Variants in ZNF83 observed in about 807,000 individuals in gnomAD.
The protein encoded by ZNF83 is zinc finger protein 83.
For synonymous variants in ZNF83, 209 were observed against 213.0 expected (o/e 0.98, Z 0.17); for missense variants, 552 against 629.9 (o/e 0.88, Z 1.32).
chr19:52,630,647 C>T (rs1370628829), intron 2 of ZNF83, among the ~76,000 whole-genome samples: 1 of 152,024 alleles, frequency 6.6e-6, no homozygotes, highest in South Asian at 2.1e-4. Flanking sequence ...CCTCTCGTAT[C>T]CCCCCACCTT....
In ZNF83 at chr19:52,655,426, A is replaced by G; in HGVS notation, c.-74+135T>C. The G allele has an allele frequency of 4.7e-6, 4 of 842,240 alleles. No individual in the cohort carries two copies. In the South Asian group the frequency reaches 4.8e-5, roughly 10 times the overall value. 52.2% of individuals were successfully genotyped at this position (842,240 alleles called of 1,614,324 possible). ...GAAGCTGTCTATGACAGACAGGAGG[A>G]TCATCACTGCAGAAAACAATGACAT... On this transcript the variant is annotated intron_variant, in intron 3 of 5. Coordinates refer to the ZNF83 transcript ENST00000594682.
At chr19:52,683,615 C>G (rs867470982) in intron 1 of ZNF83, among the ~76,000 whole-genome samples, 32 of 152,052 alleles carry the variant, frequency 2.1e-4, no homozygotes, top group Admixed American at 6.6e-4. Flanking sequence ...TGAGGCAGTT[C>G]ACACAGATGA....
At chr19:52,639,415 A>ATTTTTTTTTT (rs1160711365), upstream of ZNF83, among the ~76,000 whole-genome samples, 894 of 85,750 alleles carry the variant, frequency 0.01, 34 homozygotes, top group East Asian at 0.091. Context: ...AGTTTTTTCT[A>ATTTTTTTTTT]TTTTTTTTTT....
At chr19:52,677,306 T>TAAAAAAA (rs67835464) in intron 1 of ZNF83, among the ~76,000 whole-genome samples, 13 of 106,442 alleles carry the variant, frequency 1.2e-4, no homozygotes, top group East Asian at 5.1e-4. Context: ...AATTGAGAAG[T>TAAAAAAA]AAAAAAAAAA....
chr19:52,633,959 A>G (rs1231772455), intron 2 of ZNF83, among the ~76,000 whole-genome samples: 1 of 152,124 alleles, frequency 6.6e-6, no homozygotes, highest in Non-Finnish European at 1.5e-5. Context: ...GTTCAAATAT[A>G]AAAATATATA....
chr19:52,678,276 C>T (rs929471146), intron 1 of ZNF83, among the ~76,000 whole-genome samples: 5 of 150,496 alleles, frequency 3.3e-5, no homozygotes, highest in African/African-American at 1.2e-4. Context: ...GATGGTGAAA[C>T]CCCGTCTTAC....
At chr19:52,675,830 T>G (rs1256282671) in intron 1 of ZNF83, among the ~76,000 whole-genome samples, 2 of 152,152 alleles carry the variant, frequency 1.3e-5, no homozygotes, top group African/African-American at 4.8e-5. Flanking sequence ...TGGAACTAAT[T>G]TAGCAAATGG....
intron 2 of ZNF83, among the ~76,000 whole-genome samples, chr19:52,658,211 A>G (rs2061532979): frequency 6.6e-6 from 1 of 152,114 alleles, no homozygotes; most frequent in South Asian, 2.1e-4. Flanking sequence ...GGGAGTCTAA[A>G]CAGACTAACA....
chr19:52,675,229 C>T (rs537797306), intron 1 of ZNF83, among the ~76,000 whole-genome samples: 1 of 152,302 alleles, frequency 6.6e-6, no homozygotes, highest in South Asian at 2.1e-4. Context: ...CAAATAAGGA[C>T]ACCAGGCCCA....
intron 3 of ZNF83, among the ~76,000 whole-genome samples, chr19:52,647,168 AAG>A (rs1600224608): frequency 6.6e-6 from 1 of 152,190 alleles, no homozygotes; most frequent in Non-Finnish European, 1.5e-5. Flanking sequence ...GCAAAAAGGG[AAG>A]AGAGTGAGAC....
intron 1 of ZNF83, among the ~76,000 whole-genome samples, chr19:52,638,034 C>T (rs1568555005): frequency 6.6e-6 from 1 of 152,060 alleles, no homozygotes; most frequent in South Asian, 2.1e-4. Flanking sequence ...CTTTAAAAAG[C>T]GAGGGGCGGG....
At chr19:52,649,882 A>G (rs532795902) in intron 3 of ZNF83, among the ~76,000 whole-genome samples, 43 of 152,288 alleles carry the variant, frequency 2.8e-4, no homozygotes, top group Non-Finnish European at 5.3e-4. Flanking sequence ...AGGGATGAAG[A>G]AAAACCAAAG....
At chr19:52,645,802 GC>G (rs10711325) in intron 3 of ZNF83, among the ~76,000 whole-genome samples, 12,269 of 147,160 alleles carry the variant, frequency 0.083, 549 homozygotes, top group Middle Eastern at 0.11. Context: ...GTGAGATTCT[GC>G]CCCCCCCCAA....
At chr19:52,679,796 T>C (rs2061877641) in intron 1 of ZNF83, among the ~76,000 whole-genome samples, 1 of 152,170 alleles carries the variant, frequency 6.6e-6, no homozygotes, top group African/African-American at 2.4e-5. Context: ...TCTGTTTTTA[T>C]GCAAACTCAC....
intron 3 of ZNF83, chr19:52,655,499 A>C: frequency 7.2e-6 from 10 of 1,383,938 alleles, no homozygotes; most frequent in Non-Finnish European, 1.0e-5. Context: ...AGAATACAAA[A>C]CCAGGAAGAG....
chr19:52,663,314 T>C (rs751480920), intron 1 of ZNF83, among the ~76,000 whole-genome samples: 1 of 152,266 alleles, frequency 6.6e-6, no homozygotes, highest in Non-Finnish European at 1.5e-5. Flanking sequence ...ATACACACAA[T>C]TGTGAACCCC....
At chr19:52,676,998 G>A (rs1396948702) in intron 1 of ZNF83, among the ~76,000 whole-genome samples, 1 of 145,698 alleles carries the variant, frequency 6.9e-6, no homozygotes, top group African/African-American at 2.6e-5. Flanking sequence ...GCGGAAGGCC[G>A]CAGGGTCCTC....
At chr19:52,637,329 C>G (rs1179598456) in intron 1 of ZNF83, among the ~76,000 whole-genome samples, 11 of 152,106 alleles carry the variant, frequency 7.2e-5, no homozygotes, top group Non-Finnish European at 1.5e-5. Flanking sequence ...GGTGTCCTCC[C>G]TGCTGTGGTT....
At chr19:52,626,803 A>T (rs780211107) in intron 2 of ZNF83, among the ~76,000 whole-genome samples, 10 of 151,974 alleles carry the variant, frequency 6.6e-5, no homozygotes, top group Non-Finnish European at 1.5e-4. Flanking sequence ...AACATCATCC[A>T]TTATCTCTCC....
Sources: allele counts gnomAD v4.1 joint callset (sites outside exome capture counted in the v4.1 genomes callset), GRCh38; gene constraint gnomAD v4.1.1; transcripts MANE v1.5; gene names NCBI Gene and HGNC (gene_info 2026-07-23, HGNC 2026-07-21).